Variants in RASGRP1 observed in about 807,000 individuals in gnomAD.
RASGRP1 encodes the protein RAS guanyl releasing protein 1, also known as RAS guanyl-releasing protein 1.
RASGRP1 carries 37 observed loss-of-function variants against 95.1 expected under a neutral mutation model. The ratio of observed to expected loss-of-function variants is 0.39; its 90% CI spans 0.30 to 0.51. The LOEUF is 0.51. Among genes scored for constraint, RASGRP1 ranks in the 20% least tolerant of loss-of-function variants. The pLI, the probability that RASGRP1 is intolerant of heterozygous loss-of-function variation, is 0.80. For synonymous variants in RASGRP1, 325 were observed against 353.4 expected, an observed-to-expected ratio of 0.92 and a Z score of 0.90; for missense variants, 711 against 965.4, an observed-to-expected ratio of 0.74 and a Z score of 3.49.
intron 11 of RASGRP1, 97 bp from the exon 12 acceptor site, chr15:38,502,518 C>T: frequency 1.4e-6 from 1 of 722,740 alleles, no homozygotes; most frequent in Non-Finnish European, 2.3e-6. Context: ...GGATAAAAGC[C>T]TTTTAACAAC....
At position 38,564,618 on chromosome 15, in the gene RASGRP1, A is replaced by G. The variant is rs1893959039; in HGVS notation, c.11T>C (p.Leu4Pro). The change falls in exon 1 of 17, where the codon CTG (leucine) becomes CCG (proline). Residue 4 changes from leucine (L) to proline (P), a missense_variant. Leu to Pro is a moderately conservative substitution (Grantham distance 98, BLOSUM62 -3). Around this residue, in one of 3 missense-constraint regions of RASGRP1, gnomAD observed 491 missense variants for 676.6 expected, o/e 0.73. Transcript: ENST00000310803. MGTLGKAREAPRKP... is the reference protein window; with the variant it reads MGTPGKAREAPRKP... ...CCGCGGAGCCTCTCTCGCCTTGCCC[A>G]GGGTGCCCATGGCCGCGGCCCGCGC... 1.5e-6 allele frequency: 2 copies of G among 1,370,400 alleles called. No homozygotes were observed. Among genetic ancestry groups the G allele is most frequent in the Non-Finnish European group, 1.9e-6 (2 of 1,050,754 alleles). 84.9% of individuals were successfully genotyped at this position (1,370,400 alleles called of 1,614,324 possible). A position where few individuals can be genotyped will look rare whatever the true frequency, so the allele number is the denominator to read the frequency against.
intron 4 of RASGRP1, among the ~76,000 whole-genome samples, 160 bp downstream of exon 4, chr15:38,519,149 G>A (rs1483981726): frequency 1.3e-5 from 2 of 152,152 alleles, no homozygotes; most frequent in African/African-American, 4.8e-5. Flanking sequence ...AAATAATTAA[G>A]CTCAAGTACA....
intron 2 of RASGRP1, among the ~76,000 whole-genome samples, chr15:38,542,882 TAC>T (rs1311654126): frequency 1.5e-5 from 2 of 134,622 alleles, no homozygotes; most frequent in African/African-American, 3.1e-5. Context: ...TGTATATATA[TAC>T]ACATATATGT....
rs1478626622 is a variant in RASGRP1 at position 38,489,964 on chromosome 15, T to C, written c.*590A>G. 6.6e-6 allele frequency: 1 copy of C among 152,484 alleles called. No individual in the cohort carries two copies. Among genetic ancestry groups the C allele is most frequent in the Non-Finnish European group, 1.5e-5 (1 of 67,944 alleles). 9.4% of individuals were successfully genotyped at this position (152,484 alleles called of 1,614,324 possible). On this transcript the variant is annotated 3_prime_UTR_variant, in exon 17 of 17. Transcript: ENST00000310803. ...TAATAGGCCTCTAAAAAGTTGTGGC[T>C]ACATCAGTAGAAATTGGCTTCTAGG...
intron 2 of RASGRP1, among the ~76,000 whole-genome samples, 182 bp downstream of exon 2, chr15:38,559,639 G>A (rs1032259563): frequency 6.6e-6 from 1 of 152,094 alleles, no homozygotes; most frequent in Non-Finnish European, 1.5e-5. Context: ...TTCTCATCAC[G>A]ACCTATTACA....
intron 6 of RASGRP1, 115 bp from the exon 7 acceptor site, chr15:38,513,071 G>C: frequency 9.4e-7 from 1 of 1,064,776 alleles, no homozygotes; most frequent in Non-Finnish European, 1.3e-6. Flanking sequence ...GAACTGCCAT[G>C]GAACAGAGGA....
chr15:38,521,441 G>T (rs1378058661), intron 3 of RASGRP1, among the ~76,000 whole-genome samples: 2 of 152,136 alleles, frequency 1.3e-5, no homozygotes. Flanking sequence ...GGCTGCATGT[G>T]GTGCAGCGTC....
intron 2 of RASGRP1, among the ~76,000 whole-genome samples, chr15:38,535,521 C>T (rs1472269418): frequency 1.3e-5 from 2 of 152,310 alleles, no homozygotes; most frequent in East Asian, 3.9e-4. Flanking sequence ...CTCAGAGACT[C>T]TGTGAGTCAG....
At chr15:38,508,880 T>C (rs1209661914) in intron 8 of RASGRP1, among the ~76,000 whole-genome samples, 2 of 152,202 alleles carry the variant, frequency 1.3e-5, no homozygotes, top group Non-Finnish European at 2.9e-5. Context: ...CATGTTATCA[T>C]ACAACATAAG....
intron 16 of RASGRP1, among the ~76,000 whole-genome samples, chr15:38,491,710 T>C (rs1298572510): frequency 6.6e-6 from 1 of 152,224 alleles, no homozygotes; most frequent in Non-Finnish European, 1.5e-5. Context: ...AGGATTATAC[T>C]TAATGGGAAA....
At chr15:38,557,559 C>T (rs1454254408) in intron 2 of RASGRP1, among the ~76,000 whole-genome samples, 1 of 151,794 alleles carries the variant, frequency 6.6e-6, no homozygotes, top group Non-Finnish European at 1.5e-5. Flanking sequence ...CTTACTCTTC[C>T]TGCATGCCTT....
At chr15:38,518,569 G>C in intron 4 of RASGRP1, 146 bp from the exon 5 acceptor site, 1 of 817,674 alleles carries the variant, frequency 1.2e-6, no homozygotes. Flanking sequence ...AAGGAGCTGG[G>C]GTGGGAGCAG....
At chr15:38,502,242 A>T in intron 12 of RASGRP1, 70 bp downstream of exon 12, 1 of 1,085,794 alleles carries the variant, frequency 9.2e-7, no homozygotes, top group Non-Finnish European at 1.4e-6. Flanking sequence ...AAATTCTTCT[A>T]GTGACATACC....
At chr15:38,515,701 G>T (rs1891730492) in intron 6 of RASGRP1, among the ~76,000 whole-genome samples, 1 of 151,480 alleles carries the variant, frequency 6.6e-6, no homozygotes, top group Admixed American at 6.6e-5. Flanking sequence ...TCTATTTTGG[G>T]ATTTCCCAGA....
chr15:38,516,533 A>G (rs1429503623), intron 5 of RASGRP1, among the ~76,000 whole-genome samples, 183 bp from the exon 6 acceptor site: 2 of 152,114 alleles, frequency 1.3e-5, no homozygotes, highest in African/African-American at 4.8e-5. Context: ...GGCAGCCTCC[A>G]GGAGGTCTTG....
intron 2 of RASGRP1, among the ~76,000 whole-genome samples, chr15:38,532,265 T>C (rs543040374): frequency 5.3e-5 from 8 of 152,222 alleles, no homozygotes; most frequent in African/African-American, 7.2e-5. Context: ...TATTTTTTCA[T>C]TACCATCTGC....
chr15:38,532,898 GA>G (rs150944937), intron 2 of RASGRP1, among the ~76,000 whole-genome samples: 2,958 of 152,254 alleles, frequency 0.019, 87 homozygotes, highest in African/African-American at 0.066. Flanking sequence ...TCTCGTGAGA[GA>G]AAACTGGCAA....
At chr15:38,506,635 C>CAAAAAAAAAAAAA (rs370153317) in intron 9 of RASGRP1, among the ~76,000 whole-genome samples, 1 of 71,620 alleles carries the variant, frequency 1.4e-5, no homozygotes, top group African/African-American at 5.1e-5. Flanking sequence ...ACCTTGTCTC[C>CAAAAAAAAAAAAA]AAAAAAAAAA....
At position 38,505,893 on chromosome 15, in the gene RASGRP1, C is replaced by T. The variant is rs1196224594; in HGVS notation, c.1270G>A (p.Asp424Asn). 6.2e-7 allele frequency: 1 copy of T among 1,611,878 alleles called. No individual in the cohort carries two copies. Among genetic ancestry groups the T allele is most frequent in the African/African-American group, 1.3e-5 (1 of 74,986 alleles). The stretch of plus-strand genomic sequence containing the variant: ...GCATAGGAAAGCTCATAGATTTCAT[C>T]CTCAGTGTAGTAAAGATCCAGGGAT... Reference protein sequence around the residue: ...TLSLDLYYTEDEIYELSYARE... With the variant: ...TLSLDLYYTENEIYELSYARE... The change falls in exon 10 of 17, where the codon GAT becomes AAT. Residue 424 changes from aspartate to asparagine, a missense_variant. Physicochemically the swap from Asp to Asn is conservative, Grantham distance 23. Coordinates refer to ENST00000310803, the MANE Select transcript of RASGRP1 (RefSeq NM_005739.4).
Sources: gnomAD v4.1 joint callset for allele counts (sites outside exome capture counted in the v4.1 genomes callset) on GRCh38, gnomAD v4.1.1 for gene constraint, gnomAD v4.1.1 regional missense constraint, MANE v1.5 for transcripts, NCBI Gene and HGNC (gene_info 2026-07-23, HGNC 2026-07-21) for gene names.